TCF7L1: variants seen among roughly 807,000 people sequenced by gnomAD.
The protein encoded by TCF7L1 is transcription factor 7 like 1.
TCF7L1 carries 18 observed loss-of-function variants against 63.7 expected under a neutral mutation model. That is an observed-to-expected ratio of 0.28 (90% CI 0.20 to 0.42). The LOEUF (loss-of-function observed/expected upper bound fraction) is 0.42, where lower values mean the gene tolerates loss of function less well. TCF7L1 is among the 10% of genes least tolerant of loss of function. TCF7L1 has a pLI of 1.00. For synonymous variants in TCF7L1, 355 were observed against 340.9 expected (o/e 1.04, Z -0.46); for missense variants, 654 against 779.3 (o/e 0.84, Z 1.91).
At chr2:85,308,041 T>C (rs574747863) in intron 11 of TCF7L1, among the ~76,000 whole-genome samples, 1 of 152,298 alleles carries the variant, frequency 6.6e-6, no homozygotes, top group African/African-American at 2.4e-5. Context: ...TGAAATACCC[T>C]TAGGAAGGCA....
intron 3 of TCF7L1, among the ~76,000 whole-genome samples, chr2:85,244,817 T>A (rs1284756899): frequency 1.3e-5 from 2 of 151,464 alleles, no homozygotes; most frequent in African/African-American, 4.9e-5. Flanking sequence ...AAAAAAGAGG[T>A]CAAGGGCTGA....
intron 3 of TCF7L1, among the ~76,000 whole-genome samples, chr2:85,162,282 C>G (rs568626965): frequency 2.0e-5 from 3 of 152,130 alleles, no homozygotes; most frequent in Admixed American, 1.3e-4. Flanking sequence ...GTCCGCATGC[C>G]TGACTTCTGT....
chr2:85,144,471 G>A (rs1022917581), intron 3 of TCF7L1, among the ~76,000 whole-genome samples: 4 of 151,020 alleles, frequency 2.6e-5, no homozygotes, highest in African/African-American at 4.9e-5. Context: ...GAGTGGTAAC[G>A]TGTGCCTGTA....
At chr2:85,305,924 G>C (rs1429415654) in intron 8 of TCF7L1, among the ~76,000 whole-genome samples, 2 of 152,138 alleles carry the variant, frequency 1.3e-5, no homozygotes, top group Non-Finnish European at 2.9e-5. Context: ...GCACCTGCCA[G>C]CTCCAGTGAG....
chr2:85,230,076 T>G (rs991132238), intron 3 of TCF7L1, among the ~76,000 whole-genome samples: 1 of 152,208 alleles, frequency 6.6e-6, no homozygotes, highest in African/African-American at 2.4e-5. Context: ...GTTTTCTGCT[T>G]CTTTCTCTTT....
At chr2:85,191,607 A>G (rs1212283365) in intron 3 of TCF7L1, among the ~76,000 whole-genome samples, 1 of 152,152 alleles carries the variant, frequency 6.6e-6, no homozygotes, top group Non-Finnish European at 1.5e-5. Flanking sequence ...AGGGCAGATC[A>G]CGAGGTCAGG....
At chr2:85,135,505 G>A (rs1677571914) in intron 3 of TCF7L1, among the ~76,000 whole-genome samples, 2 of 152,286 alleles carry the variant, frequency 1.3e-5, no homozygotes, top group South Asian at 4.2e-4. Flanking sequence ...AGCCTCTTAG[G>A]AGCAGGGTCC....
At chr2:85,276,075 A>G (rs1433000942) in intron 3 of TCF7L1, among the ~76,000 whole-genome samples, 1 of 152,206 alleles carries the variant, frequency 6.6e-6, no homozygotes, top group Non-Finnish European at 1.5e-5. Flanking sequence ...AACTTCTTTT[A>G]TACTTTTGCC....
intron 3 of TCF7L1, among the ~76,000 whole-genome samples, chr2:85,248,793 T>G (rs771858430): frequency 6.6e-6 from 1 of 152,182 alleles, no homozygotes; most frequent in African/African-American, 2.4e-5. Context: ...GAGTGAGTGA[T>G]TGGTCCAGAA....
intron 4 of TCF7L1, among the ~76,000 whole-genome samples, chr2:85,293,001 G>C (rs535067849): frequency 1.3e-5 from 2 of 152,322 alleles, no homozygotes; most frequent in South Asian, 4.1e-4. Context: ...GCTTGTTAAG[G>C]GGGAGGTTCA....
chr2:85,308,955 C>T (rs558214393), intron 11 of TCF7L1, 74 bp from the exon 12 acceptor site: 93 of 1,486,380 alleles, frequency 6.3e-5, no homozygotes, highest in Admixed American at 2.2e-4. Flanking sequence ...GCACATGTAT[C>T]GCCAGGGCTG....
At chr2:85,250,881 C>G (rs1335679218) in intron 3 of TCF7L1, among the ~76,000 whole-genome samples, 1 of 152,184 alleles carries the variant, frequency 6.6e-6, no homozygotes, top group Admixed American at 6.5e-5. Flanking sequence ...GACAGATAAC[C>G]TTTGAGAGAC....
chr2:85,144,611 A>AT (rs961103790), intron 3 of TCF7L1, among the ~76,000 whole-genome samples: 1 of 151,446 alleles, frequency 6.6e-6, no homozygotes, highest in Non-Finnish European at 1.5e-5. Context: ...CAAAAAAAAA[A>AT]TTTTTTTTGA....
At chr2:85,257,690 C>T (rs1386633802) in intron 3 of TCF7L1, among the ~76,000 whole-genome samples, 1 of 152,204 alleles carries the variant, frequency 6.6e-6, no homozygotes, top group African/African-American at 2.4e-5. Flanking sequence ...CCCTTGCATC[C>T]CCTGGGGAGC....
chr2:85,145,558 C>A (rs903851578), intron 3 of TCF7L1, among the ~76,000 whole-genome samples: 2 of 152,232 alleles, frequency 1.3e-5, no homozygotes, highest in Non-Finnish European at 2.9e-5. Context: ...ATTTGCAAGA[C>A]ATACCTTCTA....
At chr2:85,143,925 C>T (rs964718277) in intron 3 of TCF7L1, among the ~76,000 whole-genome samples, 2 of 152,172 alleles carry the variant, frequency 1.3e-5, no homozygotes, top group African/African-American at 2.4e-5. Flanking sequence ...GGGTTAATGA[C>T]CTTTCGTGGG....
In TCF7L1 at chr2:85,134,289, C is replaced by T; in HGVS notation, c.314-34C>T. 6.4e-7 allele frequency: 1 copy of T among 1,559,228 alleles called. No homozygotes were observed. The highest frequency in any genetic ancestry group is 1.4e-5 in the African/African-American group (1 of 73,512). On this transcript the variant is annotated intron_variant, in intron 2 of 11. Coordinates refer to ENST00000282111, the MANE Select transcript of TCF7L1 (RefSeq NM_031283.3). The surrounding 1 kb of genome is among the most constrained non-coding windows in gnomAD (Gnocchi z 5.0). ...GCCGCGGCGCTGTCAGTCCCGGGGG[C>T]CTGGGCCTCACCTCGCCTTGGTCTT...
In TCF7L1 at chr2:85,254,616, G is replaced by A. The variant is rs114324269; in HGVS notation, c.442-28879G>A. On this transcript the variant is annotated intron_variant, in intron 3 of 11. Transcript: ENST00000282111. The stretch of plus-strand genomic sequence containing the variant: ...GTAAACCACGTTAATTGTGGTTGTT[G>A]CTTTTTAATTGTCCTTAAGTTTCTT... Among the ~76,000 whole-genome samples the A allele has an allele frequency of 1.4e-3, 207 of 152,320 alleles. 1 individual carries two copies. Among genetic ancestry groups the A allele is most frequent in the Non-Finnish European group, 2.2e-3 (151 of 68,028 alleles).
At chr2:85,204,747 T>C (rs1679360458) in intron 3 of TCF7L1, among the ~76,000 whole-genome samples, 1 of 152,178 alleles carries the variant, frequency 6.6e-6, no homozygotes, top group Admixed American at 6.5e-5. Flanking sequence ...AATTACACTG[T>C]AATGAATAGT....
Sources: gnomAD v4.1 joint callset for allele counts (sites outside exome capture counted in the v4.1 genomes callset) on GRCh38, gnomAD v4.1.1 for gene constraint, Gnocchi (gnomAD v3.1) non-coding constraint, MANE v1.5 for transcripts, NCBI Gene and HGNC (gene_info 2026-07-23, HGNC 2026-07-21) for gene names.